FBRS: variants seen among roughly 807,000 people sequenced by gnomAD.
FBRS encodes fibrosin.
In FBRS, 15 loss-of-function variants were observed where a neutral mutation model predicts 86.1. That is an observed-to-expected ratio of 0.17 (90% confidence interval 0.12 to 0.27). The LOEUF is 0.27. Among genes scored for constraint, FBRS ranks in the 10% least tolerant of loss-of-function variants. The pLI is 1.00. For synonymous variants in FBRS, 666 were observed against 575.8 expected (o/e 1.16, Z -2.24); for missense variants, 1,367 against 1,301.6 (o/e 1.05, Z -0.77).
chr16:30,662,252 C>A, intron 4 of FBRS, 168 bp from the exon 5 acceptor site: 2 of 1,058,722 alleles, frequency 1.9e-6, no homozygotes, highest in Non-Finnish European at 2.7e-6. Context: ...TGCTTTTTCT[C>A]CAAGCTCAGC....
chr16:30,664,815 C>G lies in FBRS; in HGVS notation c.1458C>G (p.Phe486Leu), dbSNP rs946683882. The G allele has an allele frequency of 3.2e-6, 5 of 1,560,774 alleles. No individual in the cohort carries two copies. Among genetic ancestry groups the G allele is most frequent in the Non-Finnish European group, 3.5e-6 (4 of 1,152,356 alleles). ...GGGGCTCGGCCCGGCCCCTGGCCTT[C>G]CAGTTCCACCAGCACAACCACCAGC... Reference protein sequence around the residue: ...GAGGSARPLAFQFHQHNHQHQ... With the variant: ...GAGGSARPLALQFHQHNHQHQ... The change falls in exon 8 of 18, where the codon TTC becomes TTG. Residue 486 changes from phenylalanine (F) to leucine (L), a missense_variant. Physicochemically the swap from Phe to Leu is conservative, Grantham distance 22. Around this residue, in one of 3 missense-constraint regions of FBRS, gnomAD observed 702 missense variants for 598.7 expected, o/e 1.17. Transcript: ENST00000356166.
intron 15 of FBRS, among the ~76,000 whole-genome samples, 166 bp downstream of exon 15, chr16:30,667,788 T>C (rs1189881777): frequency 4.6e-5 from 7 of 152,006 alleles, no homozygotes; most frequent in African/African-American, 1.7e-4. Flanking sequence ...TCCTCATCTG[T>C]AAAATGAGTA....
At position 30,662,816 on chromosome 16, in the gene FBRS, C is replaced by A. The variant is rs778845075; in HGVS notation, c.1012C>A (p.Arg338Ser). The A allele has an allele frequency of 2.7e-6, 4 of 1,471,400 alleles. No homozygotes were observed. Among genetic ancestry groups the A allele is most frequent in the South Asian group, 2.8e-5 (2 of 72,158 alleles). The allele number at this position is 1,471,400 out of a possible 1,614,324, so 91.1% of individuals were successfully genotyped here. A position where few individuals can be genotyped will look rare whatever the true frequency, so the allele number is the denominator to read the frequency against. ...LQLRVSPFGL[R>S]TSPYGSSLDL... ...GCTTCGGGTCTCACCCTTCGGCCTC[C>A]GCACTTCTCCATATGGCAGCAGCCT... The change falls in exon 6 of 18, where the codon CGC becomes AGC. Residue 338 changes from arginine to serine, a missense_variant. Coordinates refer to ENST00000356166, the MANE Select transcript of FBRS (RefSeq NM_001105079.3).
In FBRS at chr16:30,667,301, C is replaced by T. The variant is rs560051740; in HGVS notation, c.1876-19C>T. The T allele has an allele frequency of 5.9e-6, 9 of 1,526,378 alleles. No homozygotes were observed. In the South Asian group the frequency reaches 7.2e-5, roughly 12 times the overall value. 94.6% of individuals were successfully genotyped at this position (1,526,378 alleles called of 1,614,324 possible). On this transcript the variant is annotated intron_variant, in intron 13 of 17. Transcript: ENST00000356166. The stretch of plus-strand genomic sequence containing the variant: ...GACTGGCTCCTCATGTACTGCCCCT[C>T]TCCCTGTGTCCCACACAGGGTGACT...
In FBRS at chr16:30,669,350, C is replaced by G. The variant is rs1240407846; in HGVS notation, c.2648C>G (p.Thr883Ser). 3.7e-6 allele frequency: 6 copies of G among 1,612,340 alleles called. No homozygotes were observed. The East Asian group carries it at 1.3e-4, about 36-fold the overall frequency. The change falls in exon 18 of 18, where the codon ACC (threonine) becomes AGC (serine). Residue 883 changes from threonine to serine, a missense_variant. By Grantham distance (58) the Thr-to-Ser change is moderately conservative. Transcript: ENST00000356166. The surrounding 1 kb of genome is among the most constrained non-coding windows in gnomAD (Gnocchi z 5.9). ...CGCTGTGCTGGCTTCCTGGAGCCAA[C>G]CTGGTTGGCAGCACCCCCACGCCTG... ...PDRCAGFLEPTWLAAPPRLAR... is the reference protein window; with the variant it reads ...PDRCAGFLEPSWLAAPPRLAR...
At position 30,662,671 on chromosome 16, in the gene FBRS, G is replaced by T; in HGVS notation, c.867G>T (p.Leu289=). The change falls in exon 6 of 18, where the codon CTG becomes CTT. Residue 289 remains leucine (L), a synonymous_variant. Coordinates refer to ENST00000356166, the MANE Select transcript of FBRS (RefSeq NM_001105079.3). ...SQEQPPGPDP[L]LVPFPPKEPP... ...AACAGCCCCCGGGGCCCGACCCGCT[G>T]CTAGTGCCTTTCCCCCCAAAGGAAC... 1 of 1,549,398 alleles carries T rather than the reference G, an allele frequency of 6.5e-7. No homozygotes were observed. Among genetic ancestry groups the T allele is most frequent in the Non-Finnish European group, 8.7e-7 (1 of 1,146,320 alleles).
At chr16:30,666,869 T>TG in intron 12 of FBRS, 50 bp from the exon 13 acceptor site, 1 of 1,575,654 alleles carries the variant, frequency 6.3e-7, no homozygotes, top group African/African-American at 1.3e-5. Flanking sequence ...GGATGATGAG[T>TG]GAACGTTCTT....
In FBRS at chr16:30,659,712, G is replaced by C; in HGVS notation, c.194G>C (p.Arg65Thr). Reference sequence around the variant, plus strand: ...TCGTCGTCGCCGCCGCCGCCCGCCAGGCCTTGGTCGTCAGCTTCGTCTGGA... The same window carrying C: ...TCGTCGTCGCCGCCGCCGCCCGCCACGCCTTGGTCGTCAGCTTCGTCTGGA... ...SSSSSPPPPA[R>T]PWSSASSGER... Residue 65 changes from arginine (R) to threonine (T), a missense_variant, in exon 1 of 18, where the codon AGG (arginine) becomes ACG (threonine). Physicochemically the swap from Arg to Thr is moderately conservative, Grantham distance 71. Transcript: ENST00000356166. The C allele has an allele frequency of 9.1e-7, 1 of 1,101,530 alleles. No individual in the cohort carries two copies. 68.2% of individuals were successfully genotyped at this position (1,101,530 alleles called of 1,614,324 possible).
Position 30,669,111 on chromosome 16 carries a change from T to C in FBRS, c.2409T>C (p.Ala803=). ...GGCCCCAGCTCCGAGTTTCTCCTGC[T>C]ACTCCCAAGGCCCGGGCTGGTGAGG... is the stretch of plus-strand genomic sequence containing the variant. ...FSRPQLRVSP[A]TPKARAGEEG... is the part of the protein sequence containing the mutation. Residue 803 remains alanine, a synonymous_variant, in exon 18 of 18, where the codon GCT becomes GCC. Coordinates refer to ENST00000356166, the MANE Select transcript of FBRS (RefSeq NM_001105079.3). The surrounding 1 kb of genome is among the most constrained non-coding windows in gnomAD (Gnocchi z 5.9). 7.5e-6 allele frequency: 12 copies of C among 1,595,234 alleles called. No individual in the cohort carries two copies. The highest frequency in any genetic ancestry group is 1.0e-5 in the Non-Finnish European group (12 of 1,171,880).
chr16:30,665,049 A>G lies in FBRS; in HGVS notation c.1578A>G (p.Pro526=), dbSNP rs767759329. ...CTCTTCCCTAGTTTGAGAAATATCCAGGAAAGATGGAAGGCCTTTTCCGAC... is the reference window on the plus strand; with the variant it reads ...CTCTTCCCTAGTTTGAGAAATATCCGGGAAAGATGGAAGGCCTTTTCCGAC... The part of the protein sequence containing the change: ...PHGPHMFEKY[P]GKMEGLFRHN... The change falls in exon 9 of 18, where the codon CCA becomes CCG. Residue 526 remains proline (P), a synonymous_variant. Transcript: ENST00000356166. This position sits in a 1 kb window ranked among gnomAD's most constrained non-coding sequence, Gnocchi z 4.1. 56 of 1,613,680 alleles carry G rather than the reference A, an allele frequency of 3.5e-5. No homozygotes were observed. In the South Asian group the frequency reaches 5.5e-4, roughly 16 times the overall value.
At position 30,659,872 on chromosome 16, in the gene FBRS, A is replaced by T; in HGVS notation, c.354A>T (p.Ala118=). ...EEEEEEEEGG[A]DDGEAEEEPE... ...AGGAGGAGGAGGAGGAGGGGGGCGC[A>T]GACGACGGCGAAGCCGAGGAGGAGC... Residue 118 remains alanine, a synonymous_variant, in exon 1 of 18, where the codon GCA becomes GCT. Coordinates refer to ENST00000356166, the MANE Select transcript of FBRS (RefSeq NM_001105079.3). 1 of 1,543,940 alleles carries T rather than the reference A, an allele frequency of 6.5e-7. No individual in the cohort carries two copies. The highest frequency in any genetic ancestry group is 8.7e-7 in the Non-Finnish European group (1 of 1,146,288).
Position 30,664,284 on chromosome 16 carries a change from G to A in FBRS, c.1125G>A (p.Ser375=), listed in dbSNP as rs1404816140. The part of the protein sequence containing the change: ...VAQPPPSSSS[S]SSSSSSASSS... ...AGCCTCCCCCCTCATCATCCTCTTC[G>A]TCCTCCTCCTCCTCATCTGCCTCCT... Residue 375 remains serine, a synonymous_variant, in exon 7 of 18, where the codon TCG becomes TCA. Coordinates refer to ENST00000356166, the MANE Select transcript of FBRS (RefSeq NM_001105079.3). 9.2e-6 allele frequency: 13 copies of A among 1,415,380 alleles called. No individual in the cohort carries two copies. Among genetic ancestry groups the A allele is most frequent in the African/African-American group, 4.6e-5 (3 of 64,946 alleles). 87.7% of individuals were successfully genotyped at this position (1,415,380 alleles called of 1,614,324 possible). A position where few individuals can be genotyped will look rare whatever the true frequency, so the allele number is the denominator to read the frequency against.
intron 2 of FBRS, among the ~76,000 whole-genome samples, chr16:30,660,896 G>GC (rs2052451534): frequency 6.6e-6 from 1 of 152,040 alleles, no homozygotes; most frequent in African/African-American, 2.4e-5. Flanking sequence ...GTTGGGGAAA[G>GC]CCCCCTAGGA....
At chr16:30,666,269 C>G (rs764462820) in intron 11 of FBRS, 2 of 597,152 alleles carry the variant, frequency 3.3e-6, no homozygotes, top group Non-Finnish European at 5.9e-6. Flanking sequence ...CTGCCTGCCC[C>G]CTCACCACCC....
In FBRS at chr16:30,668,987, T is replaced by TCCCCCCC; in HGVS notation, c.2366+11_2366+12insCCCCCCC. 5 of 1,481,124 alleles carry TCCCCCCC rather than the reference T, an allele frequency of 3.4e-6. No homozygotes were observed. The highest frequency in any genetic ancestry group is 1.2e-5 in the South Asian group (1 of 82,716). The allele number at this position is 1,481,124 out of a possible 1,614,324, so 91.7% of individuals were successfully genotyped here. A position where few individuals can be genotyped will look rare whatever the true frequency, so the allele number is the denominator to read the frequency against. On this transcript the variant is annotated intron_variant, in intron 17 of 17. Coordinates refer to ENST00000356166, the MANE Select transcript of FBRS (RefSeq NM_001105079.3). ...CAAGGAGGAGAAGGACAGGTGTGCCTCCCACCCACCCTGCCCCTGCCCCAC... is the reference window on the plus strand; with the variant it reads ...CAAGGAGGAGAAGGACAGGTGTGCCTCCCCCCCCCCACCCACCCTGCCCCTGCCCCAC...
rs866636744 is a variant in FBRS, at chr16:30,670,219, G to C, written c.*574G>C. The C allele has an allele frequency of 1.7e-5, 8 of 457,882 alleles. No homozygotes were observed. The Middle Eastern group carries it at 2.0e-3, about 112-fold the overall frequency. 28.4% of individuals were successfully genotyped at this position (457,882 alleles called of 1,614,324 possible). A position where few individuals can be genotyped will look rare whatever the true frequency, so the allele number is the denominator to read the frequency against. On this transcript the variant is annotated 3_prime_UTR_variant, in exon 18 of 18. Coordinates refer to ENST00000356166, the MANE Select transcript of FBRS (RefSeq NM_001105079.3). ...TGTGTTCCTAGCCTCTGGCCTCTCT[G>C]TGGGGAAAGGGGACTGCAGGGGGAA...
chr16:30,661,092 A>G lies in FBRS; in HGVS notation c.640-88A>G. 1.9e-6 allele frequency: 3 copies of G among 1,541,940 alleles called. No individual in the cohort carries two copies. The South Asian group carries it at 3.6e-5, about 18-fold the overall frequency. ...AGGAGAGGCTGAGAGTAGATCCTGGAGGCCCATGAGCGCCCTGCTGGGAGC... is the reference window on the plus strand; with the variant it reads ...AGGAGAGGCTGAGAGTAGATCCTGGGGGCCCATGAGCGCCCTGCTGGGAGC... On this transcript the variant is annotated intron_variant, in intron 2 of 17. Transcript: ENST00000356166.
Position 30,661,224 on chromosome 16 carries a change from T to C in FBRS, c.675+9T>C. The C allele has an allele frequency of 6.4e-7, 1 of 1,550,798 alleles. No homozygotes were observed. On this transcript the variant is annotated intron_variant, in intron 3 of 17. Coordinates refer to ENST00000356166, the MANE Select transcript of FBRS (RefSeq NM_001105079.3). ...TGGAAGCTGGATACATAGTAAGTGC[T>C]ATCCACCTGTCCTGGCCCCTCCCTG...
chr16:30,668,608 A>G lies in FBRS; in HGVS notation c.2123A>G (p.Asn708Ser), dbSNP rs1326344575. 41 of 1,564,580 alleles carry G rather than the reference A, an allele frequency of 2.6e-5. No individual in the cohort carries two copies. Among genetic ancestry groups the G allele is most frequent in the Non-Finnish European group, 3.4e-5 (39 of 1,151,338 alleles). ...TTCGCCTCTTTGGCTGCCCTCTCCAACGGGGCCTTTGGAGGCCTGGGCAGC... is the reference window on the plus strand; with the variant it reads ...TTCGCCTCTTTGGCTGCCCTCTCCAGCGGGGCCTTTGGAGGCCTGGGCAGC... The part of the protein sequence containing the change: ...TSFASLAALS[N>S]GAFGGLGSPT... Residue 708 changes from asparagine to serine, a missense_variant, in exon 16 of 18, where the codon AAC (asparagine) becomes AGC (serine). Asn to Ser is a conservative substitution (Grantham distance 46). Coordinates refer to ENST00000356166, the MANE Select transcript of FBRS (RefSeq NM_001105079.3).
Sources: allele counts gnomAD v4.1 joint callset (sites outside exome capture counted in the v4.1 genomes callset), GRCh38; gene constraint gnomAD v4.1.1; regional missense constraint gnomAD v4.1.1; non-coding constraint Gnocchi (gnomAD v3.1); transcripts MANE v1.5; gene names NCBI Gene and HGNC (gene_info 2026-07-23, HGNC 2026-07-21).